Variants in CMBL observed in about 807,000 individuals in gnomAD.
CMBL encodes the protein carboxymethylenebutenolidase homolog (Pseudomonas).
In CMBL, 17 loss-of-function variants were observed where a neutral mutation model predicts 28.7. The ratio of observed to expected loss-of-function variants is 0.59; its 90% CI spans 0.41 to 0.89. The LOEUF (loss-of-function observed/expected upper bound fraction) is 0.89. CMBL is among the 40% of genes least tolerant of loss of function. CMBL has a pLI of 0.00. For missense variants in CMBL, 310 were observed against 298.5 expected, an observed-to-expected ratio of 1.04 and a Z score of -0.28; for synonymous variants, 106 against 101.6, an observed-to-expected ratio of 1.04 and a Z score of -0.26.
chr5:10,293,395 T>C (rs2126553625), intron 1 of CMBL, among the ~76,000 whole-genome samples: 1 of 152,310 alleles, frequency 6.6e-6, no homozygotes, highest in East Asian at 1.9e-4. Context: ...TCTCCTTGTG[T>C]CCTCACGGGG....
Position 10,288,416 on chromosome 5 carries a change from A to G in CMBL, c.323+6T>C. 2 of 1,609,274 alleles carry G rather than the reference A, an allele frequency of 1.2e-6. No individual in the cohort carries two copies. Among genetic ancestry groups the G allele is most frequent in the South Asian group, 2.2e-5 (2 of 91,000 alleles). ...GTGCACATGGCCACGTCTGCGGATA[A>G]CTCACCTATCGATCTTCTGGGCATT... On this transcript the variant is annotated splice_donor_region_variant and intron_variant, in intron 3 of 5. Transcript: ENST00000296658.
At chr5:10,299,426 G>T (rs957203107) in intron 1 of CMBL, among the ~76,000 whole-genome samples, 5 of 152,168 alleles carry the variant, frequency 3.3e-5, no homozygotes, top group Non-Finnish European at 7.3e-5. Context: ...TGGTACACTT[G>T]TAGGGAAATG....
intron 4 of CMBL, among the ~76,000 whole-genome samples, chr5:10,282,677 C>G (rs10052969): frequency 0.59 from 90,289 of 151,804 alleles, 28,505 homozygotes; most frequent in Non-Finnish European, 0.7. Context: ...CAGCTACTTG[C>G]GGGGACTAAG....
At chr5:10,295,462 C>G (rs928179414) in intron 1 of CMBL, among the ~76,000 whole-genome samples, 10 of 152,174 alleles carry the variant, frequency 6.6e-5, no homozygotes, top group Non-Finnish European at 1.2e-4. Flanking sequence ...TGTCCACATT[C>G]CCAGCTGAGG....
rs1215700303 is a variant in CMBL at position 10,289,807 on chromosome 5, C to T, written c.215+741G>A. ...GGGCATGATTCCTTTAAGCCAGTTT[C>T]TCTTCCTAGAAAAACAAGGTAGGCT... is the stretch of plus-strand genomic sequence containing the variant. On this transcript the variant is annotated intron_variant, in intron 2 of 5. Coordinates refer to ENST00000296658, the MANE Select transcript of CMBL (RefSeq NM_138809.4). This position sits in a 1 kb window ranked among gnomAD's most constrained non-coding sequence, Gnocchi z 4.3. Among the ~76,000 whole-genome samples, 3 of 152,196 alleles carry T rather than the reference C, an allele frequency of 2.0e-5. No individual in the cohort carries two copies. The highest frequency in any genetic ancestry group is 2.0e-4 in the Admixed American group (3 of 15,282).
At position 10,289,076 on chromosome 5, in the gene CMBL, G is replaced by T. The variant is rs1228558695; in HGVS notation, c.216-547C>A. On this transcript the variant is annotated intron_variant, in intron 2 of 5. Coordinates refer to ENST00000296658, the MANE Select transcript of CMBL (RefSeq NM_138809.4). This position sits in a 1 kb window ranked among gnomAD's most constrained non-coding sequence, Gnocchi z 4.3. ...ACAAACAAGCCTGGCCCCAGTCCAGGTCGCTCTTCCATGCAAGTCAACCCA... is the reference window on the plus strand; with the variant it reads ...ACAAACAAGCCTGGCCCCAGTCCAGTTCGCTCTTCCATGCAAGTCAACCCA... Among the ~76,000 whole-genome samples the T allele has an allele frequency of 6.6e-6, 1 of 152,174 alleles. No individual in the cohort carries two copies. The highest frequency in any genetic ancestry group is 2.4e-5 in the African/African-American group (1 of 41,438).
In CMBL at chr5:10,291,765, T is replaced by C. The variant is rs545358673; in HGVS notation, c.-19-984A>G. ...TGGCTGAGAAATTAACACAATTGAC[T>C]CTGGGCCAGTGAACTGCCTGGAACA... is the stretch of plus-strand genomic sequence containing the variant. On this transcript the variant is annotated intron_variant, in intron 1 of 5. Transcript: ENST00000296658. Among the ~76,000 whole-genome samples the C allele has an allele frequency of 1.3e-3, 192 of 152,248 alleles. 1 individual carries two copies. The highest frequency in any genetic ancestry group is 4.3e-3 in the African/African-American group (178 of 41,556).
Position 10,290,748 on chromosome 5 carries a change from A to C in CMBL, c.15T>G (p.Ala5=). 6.2e-7 allele frequency: 1 copy of C among 1,614,206 alleles called. No individual in the cohort carries two copies. Residue 5 remains alanine, a synonymous_variant, in exon 2 of 6, where the codon GCT becomes GCG. Transcript: ENST00000296658. ...GGCCAATGTCACACGGACAAGGATA[A>C]GCTTCGTTAGCCATTGCAGAGATTT... MANE[A]YPCPCDIGHR...
intron 4 of CMBL, among the ~76,000 whole-genome samples, chr5:10,282,703 G>A (rs557354624): frequency 6.6e-6 from 1 of 152,196 alleles, no homozygotes; most frequent in South Asian, 2.1e-4. Flanking sequence ...CGGATTGCTT[G>A]AGCCTGGAAA....
At chr5:10,281,688 A>G (rs1746499374) in intron 5 of CMBL, among the ~76,000 whole-genome samples, 1 of 152,178 alleles carries the variant, frequency 6.6e-6, no homozygotes, top group Admixed American at 6.6e-5. Context: ...TGCTGAGAAT[A>G]CTTCCCTCAG....
intron 1 of CMBL, among the ~76,000 whole-genome samples, chr5:10,297,968 G>A (rs1746837537): frequency 6.6e-6 from 1 of 152,154 alleles, no homozygotes; most frequent in Admixed American, 6.5e-5. Context: ...ACGAGGGCTG[G>A]GGAGAGGATA....
chr5:10,285,620 T>A (rs1187016929), intron 4 of CMBL, among the ~76,000 whole-genome samples: 1 of 152,052 alleles, frequency 6.6e-6, no homozygotes, highest in African/African-American at 2.4e-5. Context: ...TTTCTTAGTG[T>A]GTGTGCATGT....
intron 1 of CMBL, among the ~76,000 whole-genome samples, chr5:10,305,227 T>C (rs190339174): frequency 1.8e-3 from 278 of 150,810 alleles, no homozygotes; most frequent in African/African-American, 6.7e-3. Context: ...CTGGTGGCCA[T>C]GTTCGTCGGC....
At chr5:10,302,837 T>A (rs1308015811) in intron 1 of CMBL, among the ~76,000 whole-genome samples, 1 of 152,198 alleles carries the variant, frequency 6.6e-6, no homozygotes, top group East Asian at 1.9e-4. Flanking sequence ...ATTTTTGACA[T>A]ATTTTGAAAG....
intron 4 of CMBL, among the ~76,000 whole-genome samples, chr5:10,283,869 T>C (rs1746548789): frequency 6.6e-6 from 1 of 152,398 alleles, no homozygotes; most frequent in Non-Finnish European, 1.5e-5. Context: ...GAAAACAACC[T>C]GTGGGTGTGT....
rs1372566346 is a variant in CMBL, at chr5:10,278,513, G to T, written c.*1940C>A. Among the ~76,000 whole-genome samples, 1 of 152,026 alleles carries T rather than the reference G, an allele frequency of 6.6e-6. No homozygotes were observed. Among genetic ancestry groups the T allele is most frequent in the Non-Finnish European group, 1.5e-5 (1 of 68,016 alleles). ...AAACCCCCCAGTTAGAACCTCCAGG[G>T]GAAACCTGCATAGATGACACCCTGG... On this transcript the variant is annotated 3_prime_UTR_variant, in exon 6 of 6. Coordinates refer to ENST00000296658, the MANE Select transcript of CMBL (RefSeq NM_138809.4).
At chr5:10,291,128 C>T (rs1021263386) in intron 1 of CMBL, among the ~76,000 whole-genome samples, 2 of 152,124 alleles carry the variant, frequency 1.3e-5, no homozygotes, top group East Asian at 3.9e-4. Context: ...GGGGACAGGA[C>T]CCGACTCAGG....
chr5:10,283,944 G>A (rs544697885), intron 4 of CMBL, among the ~76,000 whole-genome samples: 1 of 152,328 alleles, frequency 6.6e-6, no homozygotes, highest in South Asian at 2.1e-4. Flanking sequence ...AAGATAAGAA[G>A]ACGTAAATAA....
At chr5:10,286,603 C>A in intron 3 of CMBL, 107 bp from the exon 4 acceptor site, 1 of 1,032,014 alleles carries the variant, frequency 9.7e-7, no homozygotes, top group Non-Finnish European at 1.4e-6. Context: ...TTTGAAGTTG[C>A]CAAGGTTTCT....
Sources: gnomAD v4.1 joint callset for allele counts (sites outside exome capture counted in the v4.1 genomes callset) on GRCh38, gnomAD v4.1.1 for gene constraint, Gnocchi (gnomAD v3.1) non-coding constraint, MANE v1.5 for transcripts, NCBI Gene and HGNC (gene_info 2026-07-23, HGNC 2026-07-21) for gene names.